The following HS3ST6 variants were observed in gnomAD, a reference collection of about 807,000 sequenced individuals.
The protein encoded by HS3ST6 is heparan sulfate-glucosamine 3-sulfotransferase 6.
In HS3ST6, 13 loss-of-function variants were observed where a neutral mutation model predicts 11.0. That is an observed-to-expected ratio of 1.18 (90% CI 0.77 to 1.88). HS3ST6 has a LOEUF of 1.88. HS3ST6 is among the 40% of genes most tolerant of loss of function. HS3ST6 has a pLI of 0.00. For missense variants in HS3ST6, 541 were observed against 494.4 expected, an observed-to-expected ratio of 1.09 and a Z score of -0.89; for synonymous variants, 232 against 230.6, an observed-to-expected ratio of 1.01 and a Z score of -0.06.
In HS3ST6 at chr16:1,918,011, C is replaced by G. The variant is rs1262031399; in HGVS notation, c.313G>C (p.Ala105Pro). ...IVGVKKGGTRALLEFLRLHPD... is the reference protein window; with the variant it reads ...IVGVKKGGTRPLLEFLRLHPD... ...TGCAGCCGCAGAAACTCCAGCAGGGCGCGCGTGCCGCCCTTCTTCACGCCA... is the reference window on the plus strand; with the variant it reads ...TGCAGCCGCAGAAACTCCAGCAGGGGGCGCGTGCCGCCCTTCTTCACGCCA... Residue 105 changes from alanine (A) to proline (P), a missense_variant, in exon 1 of 2, where the codon GCC (alanine) becomes CCC (proline). Coordinates refer to ENST00000454677, the MANE Select transcript of HS3ST6 (RefSeq NM_001009606.4). This position sits in a 1 kb window ranked among gnomAD's most constrained non-coding sequence, Gnocchi z 6.0. The G allele has an allele frequency of 3.2e-6, 5 of 1,540,950 alleles. No individual in the cohort carries two copies. The highest frequency in any genetic ancestry group is 2.4e-5 in the South Asian group (2 of 83,176).
upstream of HS3ST6, among the ~76,000 whole-genome samples, chr16:1,919,275 G>A (rs1226786365): frequency 6.6e-6 from 1 of 152,172 alleles, no homozygotes; most frequent in Non-Finnish European, 1.5e-5. Context: ...GGAAGAGAAG[G>A]AGCCCAGGAC....
chr16:1,911,633 C>A lies in HS3ST6; in HGVS notation c.986G>T (p.Arg329Leu), dbSNP rs746745256. ...RLQEFYRPFN[R>L]RFYQMTGQDF... is the part of the protein sequence containing the mutation. ...CTGGCCCGTCATCTGGTAGAACCTGCGGTTGAAGGGCCGGTAGAACTCCTG... is the reference window on the plus strand; with the variant it reads ...CTGGCCCGTCATCTGGTAGAACCTGAGGTTGAAGGGCCGGTAGAACTCCTG... The change falls in exon 2 of 2, where the codon CGC becomes CTC. Residue 329 changes from arginine to leucine, a missense_variant. Transcript: ENST00000454677. 2.7e-5 allele frequency: 43 copies of A among 1,608,362 alleles called. No individual in the cohort carries two copies. The highest frequency in any genetic ancestry group is 3.7e-5 in the Non-Finnish European group (43 of 1,177,728).
chr16:1,920,094 G>A (rs1343853731), upstream of HS3ST6, among the ~76,000 whole-genome samples: 1 of 100,066 alleles, frequency 1.0e-5, no homozygotes, highest in Non-Finnish European at 2.1e-5. Context: ...CTGTCCCCAG[G>A]GTCTCAGGAG....
upstream of HS3ST6, among the ~76,000 whole-genome samples, chr16:1,919,556 G>A (rs1022750638): frequency 5.3e-5 from 8 of 152,348 alleles, no homozygotes; most frequent in African/African-American, 9.6e-5. Flanking sequence ...ACAGGCTCCC[G>A]GCAGAGGCCC....
Position 1,918,152 on chromosome 16 carries a change from G to A in HS3ST6, c.172C>T (p.Pro58Ser). 8.6e-7 allele frequency: 1 copy of A among 1,165,828 alleles called. No individual in the cohort carries two copies. Among genetic ancestry groups the A allele is most frequent in the Admixed American group, 4.7e-5 (1 of 21,346 alleles). The allele number at this position is 1,165,828 out of a possible 1,614,324, so 72.2% of individuals were successfully genotyped here. A position where few individuals can be genotyped will look rare whatever the true frequency, so the allele number is the denominator to read the frequency against. Reference protein sequence around the residue: ...PGRCPPAARAPAPAPAPSEPS... With the variant: ...PGRCPPAARASAPAPAPSEPS... ...TCGGAGGGCGCGGGGGCCGGCGCGG[G>A]GGCGCGGGCGGCCGGCGGGCAGCGG... Residue 58 changes from proline to serine, a missense_variant, in exon 1 of 2, where the codon CCC (proline) becomes TCC (serine). Coordinates refer to ENST00000454677, the MANE Select transcript of HS3ST6 (RefSeq NM_001009606.4). The surrounding 1 kb of genome is among the most constrained non-coding windows in gnomAD (Gnocchi z 6.0).
upstream of HS3ST6, among the ~76,000 whole-genome samples, chr16:1,920,694 G>A (rs953583652): frequency 3.9e-5 from 6 of 152,150 alleles, no homozygotes; most frequent in Non-Finnish European, 7.3e-5. Flanking sequence ...TGGGGACAGG[G>A]AGAGAGAGAT....
chr16:1,917,655 C>T (rs1308718584), intron 1 of HS3ST6, among the ~76,000 whole-genome samples: 1 of 152,208 alleles, frequency 6.6e-6, no homozygotes, highest in East Asian at 1.9e-4. Flanking sequence ...CCTGCTGGGT[C>T]CCTCAGCAGA....
chr16:1,911,953 G>C lies in HS3ST6; in HGVS notation c.666C>G (p.Ala222=). ...GCTGGGCGTACAGGCCGATGCGGAC[G>C]GCGCTCCAGGCTGTGTCCACGGGGC... ...GLGPVDTAWS[A]VRIGLYAQHL... Residue 222 remains alanine, a synonymous_variant, in exon 2 of 2, where the codon GCC becomes GCG. Transcript: ENST00000454677. 1 of 1,573,104 alleles carries C rather than the reference G, an allele frequency of 6.4e-7. No individual in the cohort carries two copies. Among genetic ancestry groups the C allele is most frequent in the Non-Finnish European group, 8.6e-7 (1 of 1,158,280 alleles).
chr16:1,912,217 G>T lies in HS3ST6; in HGVS notation c.414-12C>A, dbSNP rs753806435. 2.9e-6 allele frequency: 4 copies of T among 1,395,592 alleles called. No homozygotes were observed. The highest frequency in any genetic ancestry group is 3.7e-6 in the Non-Finnish European group (4 of 1,073,860). 86.5% of individuals were successfully genotyped at this position (1,395,592 alleles called of 1,614,324 possible). On this transcript the variant is annotated splice_polypyrimidine_tract_variant and intron_variant, in intron 1 of 1. Transcript: ENST00000454677. The surrounding 1 kb of genome is among the most constrained non-coding windows in gnomAD (Gnocchi z 5.6). ...GGGGCATCAGACTCCTGCGGGACGG[G>T]TGCAAGGAGAGGGGGCCTGAGCCTC...
chr16:1,917,796 G>A, intron 1 of HS3ST6, 115 bp downstream of exon 1: 1 of 836,504 alleles, frequency 1.2e-6, no homozygotes, highest in Non-Finnish European at 1.7e-6. Context: ...CAACCCCACT[G>A]CCCGGAGCGC....
chr16:1,912,293 C>T lies in HS3ST6; in HGVS notation c.414-88G>A. ...GCCCGGGACCAAGGCCCCCTTATGC[C>T]CGGGAAGCCCAGGCCTCCAGGGCGA... is the stretch of plus-strand genomic sequence containing the variant. On this transcript the variant is annotated intron_variant, in intron 1 of 1. Transcript: ENST00000454677. The surrounding 1 kb of genome is among the most constrained non-coding windows in gnomAD (Gnocchi z 5.6). 7.5e-6 allele frequency: 9 copies of T among 1,195,658 alleles called. No individual in the cohort carries two copies. Among genetic ancestry groups the T allele is most frequent in the Non-Finnish European group, 9.6e-6 (9 of 940,730 alleles). The allele number at this position is 1,195,658 out of a possible 1,614,324, so 74.1% of individuals were successfully genotyped here.
intron 1 of HS3ST6, among the ~76,000 whole-genome samples, chr16:1,914,460 G>A (rs992159680): frequency 1.3e-5 from 2 of 152,166 alleles, no homozygotes; most frequent in Admixed American, 1.3e-4. Context: ...CTCATGAGAA[G>A]TCACTGCCTG....
chr16:1,913,150 GC>G (rs2082902941), intron 1 of HS3ST6, among the ~76,000 whole-genome samples: 1 of 152,164 alleles, frequency 6.6e-6, no homozygotes, highest in African/African-American at 2.4e-5. Flanking sequence ...CCTGGACTCA[GC>G]AGGCCAAAAA....
At chr16:1,920,544 C>T (rs1196162324), upstream of HS3ST6, among the ~76,000 whole-genome samples, 1 of 152,214 alleles carries the variant, frequency 6.6e-6, no homozygotes, top group Non-Finnish European at 1.5e-5. Flanking sequence ...CCCTGCCCAG[C>T]CCAGCATGGT....
chr16:1,913,503 G>A (rs2082906147), intron 1 of HS3ST6, among the ~76,000 whole-genome samples: 2 of 152,220 alleles, frequency 1.3e-5, no homozygotes, highest in African/African-American at 4.8e-5. Context: ...GTGAGGTTGG[G>A]CAGGGCAGGG....
In HS3ST6 at chr16:1,911,807, C is replaced by A; in HGVS notation, c.812G>T (p.Arg271Leu). Residue 271 changes from arginine (R) to leucine (L), a missense_variant, in exon 2 of 2, where the codon CGG becomes CTG. Coordinates refer to ENST00000454677, the MANE Select transcript of HS3ST6 (RefSeq NM_001009606.4). Reference protein sequence around the residue: ...GRVQDFLGLKRVVTDKHFYFN... With the variant: ...GRVQDFLGLKLVVTDKHFYFN... ...GTAGAAGTGCTTGTCCGTGACGACC[C>A]GTTTCAGGCCCAGGAAGTCCTGCAC... The A allele has an allele frequency of 3.7e-6, 6 of 1,613,866 alleles. No homozygotes were observed. Among genetic ancestry groups the A allele is most frequent in the Non-Finnish European group, 4.2e-6 (5 of 1,179,838 alleles).
In HS3ST6 at chr16:1,911,963, G is replaced by C. The variant is rs763763117; in HGVS notation, c.656C>G (p.Ala219Gly). ...FRHGLGPVDT[A>G]WSAVRIGLYA... Reference sequence around the variant, plus strand: ...CAGGCCGATGCGGACGGCGCTCCAGGCTGTGTCCACGGGGCCCAGGCCGTG... The same window carrying C: ...CAGGCCGATGCGGACGGCGCTCCAGCCTGTGTCCACGGGGCCCAGGCCGTG... Residue 219 changes from alanine (A) to glycine (G), a missense_variant, in exon 2 of 2, where the codon GCC becomes GGC. Coordinates refer to ENST00000454677, the MANE Select transcript of HS3ST6 (RefSeq NM_001009606.4). 2.6e-6 allele frequency: 4 copies of C among 1,566,340 alleles called. No homozygotes were observed. In the Admixed American group the frequency reaches 5.5e-5, roughly 22 times the overall value.
chr16:1,915,974 G>A (rs2082923177), intron 1 of HS3ST6, among the ~76,000 whole-genome samples: 2 of 152,212 alleles, frequency 1.3e-5, no homozygotes, highest in African/African-American at 2.4e-5. Context: ...GCCTCCCCGC[G>A]TCGGCACCCA....
At chr16:1,920,928 G>A (rs1264365687), upstream of HS3ST6, among the ~76,000 whole-genome samples, 1 of 152,204 alleles carries the variant, frequency 6.6e-6, no homozygotes, top group Non-Finnish European at 1.5e-5. Context: ...AGGTCGGGAA[G>A]GCTTTCTGGA....
Sources: gnomAD v4.1 joint callset for allele counts (sites outside exome capture counted in the v4.1 genomes callset) on GRCh38, gnomAD v4.1.1 for gene constraint, Gnocchi (gnomAD v3.1) non-coding constraint, MANE v1.5 for transcripts, NCBI Gene and HGNC (gene_info 2026-07-23, HGNC 2026-07-21) for gene names.